The following VAT1 variants were observed in gnomAD, a reference collection of about 807,000 sequenced individuals.
VAT1 encodes NADPH-dependent quinone oxidoreductase VAT1.
Under a neutral mutation model 33.3 loss-of-function variants are expected in VAT1, and 24 were observed. The observed-to-expected ratio is 0.72, with a 90% CI of 0.52 to 1.01. The LOEUF (loss-of-function observed/expected upper bound fraction) is 1.01, where lower values mean the gene tolerates loss of function less well. VAT1 is among the 50% of genes least tolerant of loss of function. The pLI, the probability that VAT1 is intolerant of heterozygous loss-of-function variation, is 0.00. For missense variants in VAT1, 436 were observed against 533.7 expected, an observed-to-expected ratio of 0.82 and a Z score of 1.80; for synonymous variants, 212 against 225.0, an observed-to-expected ratio of 0.94 and a Z score of 0.52.
rs1241652060 is a variant in VAT1, at chr17:43,016,114, TCTC to T, written c.1126_1128del (p.Glu376del). On this transcript the variant is annotated inframe_deletion, in exon 6 of 6. Transcript: ENST00000355653. Reference sequence around the variant, plus strand: ...AGGAGGACCTTGCCCACATTCTTCTTCTCCTGCATCTGTTTCATGGCATCAGCC... The same window carrying T: ...AGGAGGACCTTGCCCACATTCTTCTTCTGCATCTGTTTCATGGCATCAGCC... The T allele has an allele frequency of 2.5e-6, 4 of 1,613,948 alleles. No homozygotes were observed. Among genetic ancestry groups the T allele is most frequent in the Non-Finnish European group, 3.4e-6 (4 of 1,180,006 alleles).
Position 43,015,871 on chromosome 17 carries a change from T to A in VAT1, c.*190A>T, listed in dbSNP as rs1567745644. On this transcript the variant is annotated 3_prime_UTR_variant, in exon 6 of 6. Transcript: ENST00000355653. ...TGGCAGGGCCCAGACATCCAAATGG[T>A]CACTTCCCAACCTCTTCAGAGGTCA... 5.8e-6 allele frequency: 4 copies of A among 688,676 alleles called. No individual in the cohort carries two copies. The highest frequency in any genetic ancestry group is 1.0e-5 in the Non-Finnish European group (4 of 396,982). 42.7% of individuals were successfully genotyped at this position (688,676 alleles called of 1,614,324 possible). A position where few individuals can be genotyped will look rare whatever the true frequency, so the allele number is the denominator to read the frequency against.
At position 43,022,275 on chromosome 17, in the gene VAT1, G is replaced by C. The variant is rs1471450065; in HGVS notation, c.48C>G (p.Ala16=). ...EVAEAATGED[A]SSPPPKTEAA... is the part of the protein sequence containing the mutation. The stretch of plus-strand genomic sequence containing the variant: ...CCTCGGTTTTCGGAGGCGGCGAAGA[G>C]GCGTCTTCCCCGGTCGCTGCCTCGG... The change falls in exon 1 of 6, where the codon GCC becomes GCG. Residue 16 remains alanine, a synonymous_variant. Transcript: ENST00000355653. The C allele has an allele frequency of 6.3e-7, 1 of 1,590,642 alleles. No individual in the cohort carries two copies. The highest frequency in any genetic ancestry group is 1.1e-5 in the South Asian group (1 of 89,142).
rs2050509083 is a variant in VAT1 at position 43,015,007 on chromosome 17, C to T, written c.*1054G>A. ...ATGTGCTTGGATTTTTACTTTGGTCCCAGTACAAGAAACAGACAGCACTGC... is the reference window on the plus strand; with the variant it reads ...ATGTGCTTGGATTTTTACTTTGGTCTCAGTACAAGAAACAGACAGCACTGC... On this transcript the variant is annotated 3_prime_UTR_variant, in exon 6 of 6. Coordinates refer to ENST00000355653, the MANE Select transcript of VAT1 (RefSeq NM_006373.4). 1 of 152,642 alleles carries T rather than the reference C, an allele frequency of 6.6e-6. No individual in the cohort carries two copies. Among genetic ancestry groups the T allele is most frequent in the Non-Finnish European group, 1.5e-5 (1 of 68,048 alleles). The allele number at this position is 152,642 out of a possible 1,614,324, so 9.5% of individuals were successfully genotyped here.
At chr17:43,021,023 G>A (rs1404233366) in intron 1 of VAT1, among the ~76,000 whole-genome samples, 2 of 152,122 alleles carry the variant, frequency 1.3e-5, no homozygotes, top group Non-Finnish European at 2.9e-5. Context: ...TGATAAATGA[G>A]AAGGAGAAAC....
rs1219435419 is a variant in VAT1 at position 43,015,821 on chromosome 17, C to T, written c.*240G>A. The T allele has an allele frequency of 1.7e-6, 1 of 583,866 alleles. No individual in the cohort carries two copies. Among genetic ancestry groups the T allele is most frequent in the East Asian group, 2.9e-5 (1 of 34,042 alleles). 36.2% of individuals were successfully genotyped at this position (583,866 alleles called of 1,614,324 possible). ...AGGGTGGGGGCAGGAAGCAGCCGGC[C>T]TCCCTCTGACCCTCCCTGTCGCCTT... On this transcript the variant is annotated 3_prime_UTR_variant, in exon 6 of 6. Coordinates refer to ENST00000355653, the MANE Select transcript of VAT1 (RefSeq NM_006373.4).
At position 43,022,218 on chromosome 17, in the gene VAT1, G is replaced by A. The variant is rs776968493; in HGVS notation, c.105C>T (p.Ser35=). 3 of 1,566,182 alleles carry A rather than the reference G, an allele frequency of 1.9e-6. No homozygotes were observed. The Admixed American group carries it at 5.4e-5, about 28-fold the overall frequency. ...AASDPQHPAA[S]EGAAAAAASP... ...AGGCGGCGGCGGCGGCGGCCCCTTC[G>A]GAGGCCGCGGGATGCTGGGGGTCGC... Residue 35 remains serine (S), a synonymous_variant, in exon 1 of 6, where the codon TCC becomes TCT. Coordinates refer to ENST00000355653, the MANE Select transcript of VAT1 (RefSeq NM_006373.4).
rs747967190 is a variant in VAT1 at position 43,021,993 on chromosome 17, C to T, written c.330G>A (p.Pro110=). The change falls in exon 1 of 6, where the codon CCG becomes CCA. Residue 110 remains proline, a synonymous_variant. Transcript: ENST00000355653. ...TCACAACACCCGCGCCCTCCATGCC[C>T]GGAGTGACAGGCAGAGGCGGGAGAC... ...YDRLPPLPVT[P]GMEGAGVVIA... 6.2e-7 allele frequency: 1 copy of T among 1,611,028 alleles called. No homozygotes were observed. Among genetic ancestry groups the T allele is most frequent in the African/African-American group, 1.3e-5 (1 of 74,984 alleles).
chr17:43,016,662 G>A, intron 4 of VAT1, 114 bp from the exon 5 acceptor site: 14 of 1,451,822 alleles, frequency 9.6e-6, no homozygotes, highest in Non-Finnish European at 1.3e-5. Flanking sequence ...CAGTGCCAGG[G>A]AGTGATTGGA....
rs1366195549 is a variant in VAT1, at chr17:43,022,241, C to G, written c.82G>C (p.Asp28His). The change falls in exon 1 of 6, where the codon GAC becomes CAC. Residue 28 changes from aspartate (D) to histidine (H), a missense_variant. Physicochemically the swap from Asp to His is moderately conservative, Grantham distance 81 (BLOSUM62 -1). Coordinates refer to ENST00000355653, the MANE Select transcript of VAT1 (RefSeq NM_006373.4). The part of the protein sequence containing the change: ...SPPPKTEAAS[D>H]PQHPAASEGA... ...TCGGAGGCCGCGGGATGCTGGGGGT[C>G]GCTCGCTGCCTCGGTTTTCGGAGGC... is the stretch of plus-strand genomic sequence containing the variant. 4.4e-6 allele frequency: 7 copies of G among 1,576,550 alleles called. No individual in the cohort carries two copies. In the East Asian group the frequency reaches 1.6e-4, roughly 37 times the overall value.
Position 43,022,334 on chromosome 17 carries a change from C to T in VAT1, c.-12G>A. ...CTCTCGTCGGACATGGCTGGGACTCCCGACGAGAGCGCACAGCTGGATGGA... is the reference window on the plus strand; with the variant it reads ...CTCTCGTCGGACATGGCTGGGACTCTCGACGAGAGCGCACAGCTGGATGGA... On this transcript the variant is annotated 5_prime_UTR_variant, in exon 1 of 6. Transcript: ENST00000355653. 6.5e-7 allele frequency: 1 copy of T among 1,546,702 alleles called. No individual in the cohort carries two copies.
At position 43,017,890 on chromosome 17, in the gene VAT1, A is replaced by G. The variant is rs765308254; in HGVS notation, c.807T>C (p.Thr269=). Residue 269 remains threonine, a synonymous_variant, in exon 4 of 6, where the codon ACT becomes ACC. Transcript: ENST00000355653. ...GTTTCAGGAGGTTGTAGCCCTTGGC[A>G]GTATCTGACCCACCCAGAGGGTCCA... ...IVMDPLGGSD[T]AKGYNLLKPM... is the part of the protein sequence containing the mutation. 2.5e-6 allele frequency: 4 copies of G among 1,614,148 alleles called. No homozygotes were observed. The highest frequency in any genetic ancestry group is 3.4e-6 in the Non-Finnish European group (4 of 1,180,030).
At chr17:43,019,746 A>G (rs1318375107) in intron 1 of VAT1, among the ~76,000 whole-genome samples, 2 of 152,144 alleles carry the variant, frequency 1.3e-5, no homozygotes, top group African/African-American at 4.8e-5. Flanking sequence ...CGTCAGGAGA[A>G]AAGACTTCTC....
At chr17:43,020,010 C>G in intron 1 of VAT1, 2 of 784,858 alleles carry the variant, frequency 2.5e-6, no homozygotes, top group Non-Finnish European at 3.1e-6. Flanking sequence ...GTCTGGAGAA[C>G]AAGAACGGAA....
In VAT1 at chr17:43,021,916, G is replaced by A. The variant is rs772137288; in HGVS notation, c.387+20C>T. 4 of 1,609,586 alleles carry A rather than the reference G, an allele frequency of 2.5e-6. No individual in the cohort carries two copies. The highest frequency in any genetic ancestry group is 3.4e-6 in the Non-Finnish European group (4 of 1,179,444). On this transcript the variant is annotated intron_variant, in intron 1 of 5. Transcript: ENST00000355653. ...CCAGTGGCCTGCGCAGCCCTGCCCTGCCCTACGCAACCCGCTCACCTTGCG... is the reference window on the plus strand; with the variant it reads ...CCAGTGGCCTGCGCAGCCCTGCCCTACCCTACGCAACCCGCTCACCTTGCG...
chr17:43,015,905 G>A lies in VAT1; in HGVS notation c.*156C>T. 7.4e-6 allele frequency: 6 copies of A among 806,392 alleles called. No homozygotes were observed. The highest frequency in any genetic ancestry group is 1.0e-5 in the Non-Finnish European group (5 of 485,542). 50.0% of individuals were successfully genotyped at this position (806,392 alleles called of 1,614,324 possible). On this transcript the variant is annotated 3_prime_UTR_variant, in exon 6 of 6. Transcript: ENST00000355653. ...AACCTCTTCAGAGGTCAGGAAGCGG[G>A]GAGGGGCAGGGGAGAGCGGTCATCA... is the stretch of plus-strand genomic sequence containing the variant.
Position 43,016,454 on chromosome 17 carries a change from C to A in VAT1, c.951G>T (p.Leu317=). Residue 317 remains leucine, a synonymous_variant, in exon 5 of 6, where the codon CTG becomes CTT. Transcript: ENST00000355653. Reference sequence around the variant, plus strand: ...AGCCACACACAGCCCGGTTGGCCTGCAGCAGCTGCAGAGCTGTCACGCTGA... The same window carrying A: ...AGCCACACACAGCCCGGTTGGCCTGAAGCAGCTGCAGAGCTGTCACGCTGA... ...NQFSVTALQL[L]QANRAVCGFH... is the part of the protein sequence containing the mutation. 7 of 1,614,216 alleles carry A rather than the reference C, an allele frequency of 4.3e-6. No individual in the cohort carries two copies. Among genetic ancestry groups the A allele is most frequent in the Non-Finnish European group, 5.9e-6 (7 of 1,180,040 alleles).
intron 1 of VAT1, chr17:43,020,416 AT>A: frequency 2.1e-6 from 1 of 468,404 alleles, no homozygotes; most frequent in Non-Finnish European, 2.8e-6. Flanking sequence ...GAGTGGGATC[AT>A]TTAGAAGTCA....
Position 43,022,243 on chromosome 17 carries a change from C to G in VAT1, c.80G>C (p.Ser27Thr). 6.3e-7 allele frequency: 1 copy of G among 1,577,882 alleles called. No individual in the cohort carries two copies. The highest frequency in any genetic ancestry group is 8.6e-7 in the Non-Finnish European group (1 of 1,162,714). ...GGAGGCCGCGGGATGCTGGGGGTCG[C>G]TCGCTGCCTCGGTTTTCGGAGGCGG... ...SSPPPKTEAA[S>T]DPQHPAASEG... The change falls in exon 1 of 6, where the codon AGC (serine) becomes ACC (threonine). Residue 27 changes from serine to threonine, a missense_variant. By Grantham distance (58) the Ser-to-Thr change is moderately conservative. Transcript: ENST00000355653.
rs1481606638 is a variant in VAT1, at chr17:43,022,266, C to T, written c.57G>A (p.Pro19=). ...CGCTCGCTGCCTCGGTTTTCGGAGGCGGCGAAGAGGCGTCTTCCCCGGTCG... is the reference window on the plus strand; with the variant it reads ...CGCTCGCTGCCTCGGTTTTCGGAGGTGGCGAAGAGGCGTCTTCCCCGGTCG... ...EAATGEDASS[P]PPKTEAASDP... Residue 19 remains proline (P), a synonymous_variant, in exon 1 of 6, where the codon CCG becomes CCA. Transcript: ENST00000355653. 1.9e-6 allele frequency: 3 copies of T among 1,590,260 alleles called. No homozygotes were observed. The highest frequency in any genetic ancestry group is 1.7e-6 in the Non-Finnish European group (2 of 1,170,398).
Sources: allele counts gnomAD v4.1 joint callset (sites outside exome capture counted in the v4.1 genomes callset), GRCh38; gene constraint gnomAD v4.1.1; transcripts MANE v1.5; gene names NCBI Gene and HGNC (gene_info 2026-07-23, HGNC 2026-07-21).